The following SMARCA2 variants were observed in gnomAD, a reference collection of about 807,000 sequenced individuals.
SMARCA2 encodes SWI/SNF related BAF chromatin remodeling complex subunit ATPase 2, also known as SWI/SNF-related matrix-associated actin-dependent regulator of chromatin subfamily A member 2.
In SMARCA2, 61 loss-of-function variants were observed where a neutral mutation model predicts 199.8. The ratio of observed to expected loss-of-function variants is 0.31; its 90% CI spans 0.25 to 0.38. The LOEUF (loss-of-function observed/expected upper bound fraction) is 0.38, where lower values mean the gene tolerates loss of function less well. Among genes scored for constraint, SMARCA2 ranks in the 10% least tolerant of loss-of-function variants. The probability of loss-of-function intolerance (pLI) is 1.00; values close to 1 mark genes in which losing one functional copy is unlikely to be tolerated. For missense variants in SMARCA2, 1,344 were observed against 2,012.2 expected (o/e 0.67, Z 6.35); for synonymous variants, 935 against 732.0 (o/e 1.28, Z -4.48).
intron 24 of SMARCA2, among the ~76,000 whole-genome samples, chr9:2,114,024 T>C (rs10511434): frequency 0.14 from 21,782 of 152,112 alleles, 2,121 homozygotes; most frequent in East Asian, 0.39. Context: ...CGTTTACTAT[T>C]GCGCCCATTT....
intron 14 of SMARCA2, chr9:2,080,107 T>C (rs914340634): frequency 1.3e-5 from 2 of 152,190 alleles, no homozygotes; most frequent in African/African-American, 4.8e-5. Context: ...TCATTTCTCA[T>C]AAACCAGTTC....
At chr9:2,186,545 C>A (rs908970201) in intron 32 of SMARCA2, among the ~76,000 whole-genome samples, 1 of 152,142 alleles carries the variant, frequency 6.6e-6, no homozygotes, top group African/African-American at 2.4e-5. Flanking sequence ...GTCACCCAGG[C>A]CGGAGTGCAG....
chr9:2,140,909 CT>C (rs887289029), intron 27 of SMARCA2, among the ~76,000 whole-genome samples: 11 of 147,824 alleles, frequency 7.4e-5, no homozygotes, highest in Non-Finnish European at 7.5e-5. Flanking sequence ...TGCCAGAGGA[CT>C]TTTTTTTTTA....
intron 5 of SMARCA2, among the ~76,000 whole-genome samples, 187 bp from the exon 6 acceptor site, chr9:2,054,410 A>C (rs770917898): frequency 6.6e-5 from 10 of 152,266 alleles, no homozygotes; most frequent in Non-Finnish European, 1.0e-4. Context: ...ACCTGTCTGC[A>C]TTAATGCAAA....
At chr9:2,109,711 T>G (rs10114544) in intron 23 of SMARCA2, among the ~76,000 whole-genome samples, 21 of 152,038 alleles carry the variant, frequency 1.4e-4, no homozygotes, top group Admixed American at 1.2e-3. Context: ...AAAAATTACA[T>G]TCATAATTTA....
At chr9:2,192,556 T>C in intron 33 of SMARCA2, 148 bp from the exon 34 acceptor site, 3 of 707,400 alleles carry the variant, frequency 4.2e-6, no homozygotes, top group Admixed American at 2.2e-5. Flanking sequence ...GCCTCTTTAA[T>C]GTGTTTCTGT....
At chr9:2,186,908 C>G (rs748808328) in intron 32 of SMARCA2, among the ~76,000 whole-genome samples, 3 of 152,248 alleles carry the variant, frequency 2.0e-5, no homozygotes, top group Non-Finnish European at 2.9e-5. Flanking sequence ...CACCTATCTT[C>G]TCTTCTTTAC....
intron 21 of SMARCA2, 65 bp downstream of exon 21, chr9:2,097,536 A>T: frequency 2.0e-6 from 2 of 1,016,150 alleles, no homozygotes. Context: ...TTAAAAAAAA[A>T]CAAACAAACA....
chr9:2,160,503 G>A (rs1825610229), intron 27 of SMARCA2: 2 of 602,284 alleles, frequency 3.3e-6, no homozygotes, highest in African/African-American at 3.7e-5. Context: ...TCTTTTTCAG[G>A]AAGCGTTGTA....
chr9:2,142,788 T>C (rs375864793), intron 27 of SMARCA2, among the ~76,000 whole-genome samples: 61 of 152,140 alleles, frequency 4.0e-4, no homozygotes, highest in Non-Finnish European at 5.9e-4. Flanking sequence ...AGTTGTGTGG[T>C]CCTCCCTTGA....
intron 9 of SMARCA2, among the ~76,000 whole-genome samples, chr9:2,063,687 T>A (rs1177081243): frequency 6.6e-6 from 1 of 152,154 alleles, no homozygotes; most frequent in Non-Finnish European, 1.5e-5. Context: ...CTTTTTCACT[T>A]AATTTAATCT....
At chr9:2,088,750 G>GT (rs1464430393) in intron 19 of SMARCA2, 137 bp downstream of exon 19, 7 of 649,604 alleles carry the variant, frequency 1.1e-5, no homozygotes, top group East Asian at 5.9e-5. Context: ...ATCTTAAATT[G>GT]TTTTTTTGTT....
chr9:2,173,831 G>T (rs1826390812), intron 29 of SMARCA2, among the ~76,000 whole-genome samples: 1 of 152,170 alleles, frequency 6.6e-6, no homozygotes, highest in Admixed American at 6.5e-5. Context: ...ACGGGACACT[G>T]TTACTAACCC....
Position 2,086,563 on chromosome 9 carries a change from AC to A in SMARCA2, c.2527-263del, listed in dbSNP as rs1262219367. ...CGTGGAAACAACCATGTCATTCTGG[AC>A]CCAAATTTCCTTCTTTGTAAAAAGT... On this transcript the variant is annotated intron_variant, in intron 17 of 33. Coordinates refer to ENST00000349721, the MANE Select transcript of SMARCA2 (RefSeq NM_003070.5). This position sits in a 1 kb window ranked among gnomAD's most constrained non-coding sequence, Gnocchi z 4.3. Among the ~76,000 whole-genome samples the A allele has an allele frequency of 6.6e-6, 1 of 152,188 alleles. No individual in the cohort carries two copies. Among genetic ancestry groups the A allele is most frequent in the Admixed American group, 6.5e-5 (1 of 15,284 alleles).
In SMARCA2 at chr9:2,075,903, G is replaced by A. The variant is rs564271006; in HGVS notation, c.1936-326G>A. 3.3e-5 allele frequency among the ~76,000 whole-genome samples: 5 copies of A among 152,278 alleles called. No individual in the cohort carries two copies. In the East Asian group the frequency reaches 9.7e-4, roughly 29 times the overall value. On this transcript the variant is annotated intron_variant, in intron 12 of 33. Coordinates refer to ENST00000349721, the MANE Select transcript of SMARCA2 (RefSeq NM_003070.5). Reference sequence around the variant, plus strand: ...TTGGAGAGAGTGCTACTGAGTGAGAGCAGATATGCTCTACAGGACTCTGAT... The same window carrying A: ...TTGGAGAGAGTGCTACTGAGTGAGAACAGATATGCTCTACAGGACTCTGAT...
chr9:2,033,125 C>T, intron 3 of SMARCA2, 44 bp downstream of exon 3: 3 of 1,595,822 alleles, frequency 1.9e-6, no homozygotes, highest in Non-Finnish European at 2.6e-6. Context: ...CCAGCATAGT[C>T]TTTCAGTCTT....
At chr9:2,134,800 G>C (rs1001874102) in intron 27 of SMARCA2, among the ~76,000 whole-genome samples, 1 of 152,032 alleles carries the variant, frequency 6.6e-6, no homozygotes, top group Admixed American at 6.5e-5. Context: ...CTTATAAAGG[G>C]GACCCTAGAG....
Position 2,168,195 on chromosome 9 carries a change from G to C in SMARCA2, c.4200-2224G>C, listed in dbSNP as rs147234510. Among the ~76,000 whole-genome samples, 801 of 152,156 alleles carry C rather than the reference G, an allele frequency of 5.3e-3. 4 individuals are homozygous for C. Among genetic ancestry groups the C allele is most frequent in the African/African-American group, 0.019 (771 of 41,504 alleles). ...CCTGGCTAATTTTGTATTTTTGGTA[G>C]AGACAGGGTTTTGCCATGTTGGTCA... On this transcript the variant is annotated intron_variant, in intron 28 of 33. Transcript: ENST00000349721.
At chr9:2,098,013 C>T (rs1026728972) in intron 21 of SMARCA2, among the ~76,000 whole-genome samples, 4 of 152,282 alleles carry the variant, frequency 2.6e-5, no homozygotes, top group African/African-American at 9.6e-5. Flanking sequence ...GCTCAGGTCT[C>T]TAGAAAGCTA....
Sources: gnomAD v4.1 joint callset for allele counts (sites outside exome capture counted in the v4.1 genomes callset) on GRCh38, gnomAD v4.1.1 for gene constraint, Gnocchi (gnomAD v3.1) non-coding constraint, MANE v1.5 for transcripts, NCBI Gene and HGNC (gene_info 2026-07-23, HGNC 2026-07-21) for gene names.